Variants in CELF2 observed in about 807,000 individuals in gnomAD.
CELF2 encodes the protein CUG triplet repeat RNA-binding protein 2.
CELF2 carries 8 observed loss-of-function variants against 62.6 expected under a neutral mutation model. The ratio of observed to expected loss-of-function variants is 0.13; its 90% CI spans 0.07 to 0.23. CELF2 has a LOEUF of 0.23. Among genes scored for constraint, CELF2 ranks in the 10% least tolerant of loss-of-function variants. The pLI is 1.00. For missense variants in CELF2, 333 were observed against 671.0 expected (o/e 0.50, Z 5.56); for synonymous variants, 258 against 250.0 (o/e 1.03, Z -0.30).
intron 1 of CELF2, among the ~76,000 whole-genome samples, chr10:11,028,635 G>T (rs1190090246): frequency 6.6e-6 from 1 of 150,534 alleles, no homozygotes; most frequent in Non-Finnish European, 1.5e-5. Context: ...TGGCCAGGCT[G>T]GTCTCAAACT....
At chr10:10,603,871 A>T in the CELF2 span, among the ~76,000 whole-genome samples, 1 of 152,162 alleles carries the variant, frequency 6.6e-6, no homozygotes, top group Admixed American at 6.6e-5. Flanking sequence ...TAAATGATAA[A>T]GGTTGGAATG....
the CELF2 span, among the ~76,000 whole-genome samples, chr10:10,582,044 G>T: frequency 1.3e-5 from 2 of 151,858 alleles, no homozygotes; most frequent in Non-Finnish European, 2.9e-5. Flanking sequence ...AAGGGTGGGG[G>T]GTCACATATC....
chr10:11,190,372 T>C (rs1229579290), intron 2 of CELF2, among the ~76,000 whole-genome samples: 1 of 152,176 alleles, frequency 6.6e-6, no homozygotes, highest in Admixed American at 6.5e-5. Flanking sequence ...AATTAAATTG[T>C]TTGCAGGATG....
intron 1 of CELF2, among the ~76,000 whole-genome samples, chr10:11,066,040 C>T (rs1326323918): frequency 6.6e-6 from 1 of 152,056 alleles, no homozygotes; most frequent in African/African-American, 2.4e-5. Flanking sequence ...AACCCAAAGG[C>T]CATTGTGGCT....
the CELF2 span, among the ~76,000 whole-genome samples, chr10:10,616,889 T>C: frequency 6.6e-6 from 1 of 151,778 alleles, no homozygotes; most frequent in Non-Finnish European, 1.5e-5. Flanking sequence ...CGCATGTAGC[T>C]GGGACCACAG....
intron 2 of CELF2, among the ~76,000 whole-genome samples, chr10:10,977,314 G>A (rs1451564774): frequency 6.6e-6 from 1 of 152,198 alleles, no homozygotes; most frequent in African/African-American, 2.4e-5. Context: ...ACTTAGTGAT[G>A]CTGCAGGTCC....
At chr10:11,059,423 CCAAA>C (rs1377821314) in intron 1 of CELF2, among the ~76,000 whole-genome samples, 3 of 152,130 alleles carry the variant, frequency 2.0e-5, no homozygotes, top group Non-Finnish European at 2.9e-5. Flanking sequence ...AGACCGTTTA[CCAAA>C]CAGTTTCTCA....
In CELF2 at chr10:11,138,291, G is replaced by T. The variant is rs532214945; in HGVS notation, c.75-27195G>T. Among the ~76,000 whole-genome samples, 3 of 152,274 alleles carry T rather than the reference G, an allele frequency of 2.0e-5. No homozygotes were observed. The East Asian group carries it at 5.8e-4, about 29-fold the overall frequency. On this transcript the variant is annotated intron_variant, in intron 1 of 12. Coordinates refer to ENST00000633077, the MANE Select transcript of CELF2 (RefSeq NM_001326342.2). ...TTAGATCATTTCTAAAAAATAAACT[G>T]AGACACGTAAATGGAATTATTTTTT... is the stretch of plus-strand genomic sequence containing the variant.
intron 1 of CELF2, among the ~76,000 whole-genome samples, chr10:10,812,886 G>A (rs527567113): frequency 1.2e-4 from 19 of 152,214 alleles, no homozygotes; most frequent in East Asian, 5.8e-4. Flanking sequence ...CAGGCACTGC[G>A]TTTATCTGAG....
chr10:11,284,102 T>G (rs1479180413), intron 8 of CELF2, among the ~76,000 whole-genome samples: 1 of 133,796 alleles, frequency 7.5e-6, no homozygotes, highest in Non-Finnish European at 1.6e-5. Context: ...GGGTGGATGA[T>G]GGATGACTGT....
the CELF2 span, among the ~76,000 whole-genome samples, chr10:10,649,815 G>T: frequency 2.0e-5 from 3 of 152,170 alleles, no homozygotes; most frequent in African/African-American, 4.8e-5. Context: ...GTCCGATTGT[G>T]CCCACTTGCT....
Position 10,989,339 on chromosome 10 carries a change from T to C in CELF2, c.89+69340T>C, listed in dbSNP as rs967234402. Among the ~76,000 whole-genome samples the C allele has an allele frequency of 2.6e-5, 4 of 152,284 alleles. No individual in the cohort carries two copies. In the East Asian group the frequency reaches 5.8e-4, roughly 22 times the overall value. On this transcript the variant is annotated intron_variant, in intron 2 of 13. Transcript: ENST00000636488. The stretch of plus-strand genomic sequence containing the variant: ...TTGCTATACCAGATGTTAGAAAGTA[T>C]AGCTACCAGTTTTTCATCAAAGCAA...
chr10:11,040,824 ATTCAATATT>A (rs1269846282), intron 1 of CELF2, among the ~76,000 whole-genome samples: 4 of 152,316 alleles, frequency 2.6e-5, no homozygotes, highest in Admixed American at 2.0e-4. Context: ...TATCAAAAAT[ATTCAATATT>A]TTCAATATTT....
In CELF2 at chr10:11,113,027, C is replaced by T. The variant is rs148644751; in HGVS notation, c.75-52459C>T. ...TGAGTAAACGCAATGCATTTCCACA[C>T]GTGTAGCCCATATCCGAAGCTTGTG... On this transcript the variant is annotated intron_variant, in intron 1 of 12. Transcript: ENST00000633077. 2.6e-5 allele frequency among the ~76,000 whole-genome samples: 4 copies of T among 151,486 alleles called. No homozygotes were observed. The East Asian group carries it at 5.8e-4, about 22-fold the overall frequency.
At chr10:10,625,892 T>C in the CELF2 span, among the ~76,000 whole-genome samples, 1 of 152,176 alleles carries the variant, frequency 6.6e-6, no homozygotes, top group Non-Finnish European at 1.5e-5. Context: ...GCTGTGGTCA[T>C]TGTATCTATT....
chr10:10,626,144 A>C, the CELF2 span, among the ~76,000 whole-genome samples: 1 of 152,168 alleles, frequency 6.6e-6, no homozygotes, highest in South Asian at 2.1e-4. Flanking sequence ...AATTTCATTA[A>C]GTTGATATTC....
the CELF2 span, among the ~76,000 whole-genome samples, chr10:10,679,848 T>A: frequency 6.6e-6 from 1 of 152,328 alleles, no homozygotes; most frequent in South Asian, 2.1e-4. Context: ...TTTTTCTCCT[T>A]CAATTTAGAA....
At chr10:11,090,995 TTC>T (rs2141942513) in intron 1 of CELF2, among the ~76,000 whole-genome samples, 1 of 152,378 alleles carries the variant, frequency 6.6e-6, no homozygotes, top group African/African-American at 2.4e-5. Flanking sequence ...TTGAATATCA[TTC>T]TTTTATAATC....
chr10:10,683,173 G>C, the CELF2 span, among the ~76,000 whole-genome samples: 1 of 152,146 alleles, frequency 6.6e-6, no homozygotes, highest in African/African-American at 2.4e-5. Context: ...CATGAACAGC[G>C]TAAAGGCAGC....
Sources: gnomAD v4.1 joint callset for allele counts (sites outside exome capture counted in the v4.1 genomes callset) on GRCh38, gnomAD v4.1.1 for gene constraint, MANE v1.5 for transcripts, NCBI Gene and HGNC (gene_info 2026-07-23, HGNC 2026-07-21) for gene names.